DPP6: variants seen among roughly 807,000 people sequenced by gnomAD.
DPP6 encodes the protein dipeptidyl peptidase like 6.
DPP6 carries 69 observed loss-of-function variants against 122.6 expected under a neutral mutation model. That is an observed-to-expected ratio of 0.56 (90% CI 0.46 to 0.69). DPP6 has a LOEUF of 0.69. DPP6 is among the 30% of genes least tolerant of loss of function. The probability of loss-of-function intolerance (pLI) is 0.00; values close to 1 mark genes in which losing one functional copy is unlikely to be tolerated. For synonymous variants in DPP6, 418 were observed against 433.1 expected, an observed-to-expected ratio of 0.97 and a Z score of 0.43; for missense variants, 928 against 1,116.9, an observed-to-expected ratio of 0.83 and a Z score of 2.41.
At chr7:154,577,934 A>G (rs1425500953) in intron 5 of DPP6, among the ~76,000 whole-genome samples, 1 of 152,210 alleles carries the variant, frequency 6.6e-6, no homozygotes, top group Non-Finnish European at 1.5e-5. Flanking sequence ...TGATGGTTAC[A>G]GCATTTTTAA....
intron 17 of DPP6, among the ~76,000 whole-genome samples, chr7:154,861,550 A>ATATT (rs1308669236): frequency 6.6e-6 from 1 of 152,170 alleles, no homozygotes; most frequent in African/African-American, 2.4e-5. Flanking sequence ...AATCTTGGAA[A>ATATT]TATTTTAAAG....
At chr7:154,234,284 A>G (rs188196454) in intron 1 of DPP6, among the ~76,000 whole-genome samples, 1 of 152,192 alleles carries the variant, frequency 6.6e-6, no homozygotes, top group Non-Finnish European at 1.5e-5. Context: ...GAAACAGCCT[A>G]TGAGTAGTAT....
At chr7:153,965,662 A>G (rs563498498) in intron 1 of DPP6, among the ~76,000 whole-genome samples, 64 of 151,912 alleles carry the variant, frequency 4.2e-4, no homozygotes, top group Admixed American at 1.0e-3. Context: ...ACAGGCGCCC[A>G]CCACCACGCC....
At chr7:153,932,675 G>T (rs1801228039) in intron 1 of DPP6, among the ~76,000 whole-genome samples, 1 of 152,056 alleles carries the variant, frequency 6.6e-6, no homozygotes, top group African/African-American at 2.4e-5. Context: ...CCAGACCTGG[G>T]GAAGAAGATA....
chr7:154,383,257 C>A (rs918747161), intron 1 of DPP6, among the ~76,000 whole-genome samples: 1 of 152,112 alleles, frequency 6.6e-6, no homozygotes, highest in African/African-American at 2.4e-5. Flanking sequence ...ACTTGGAATT[C>A]CTATAGTATT....
intron 1 of DPP6, among the ~76,000 whole-genome samples, chr7:153,899,820 A>G (rs1232349806): frequency 6.6e-6 from 1 of 152,226 alleles, no homozygotes; most frequent in African/African-American, 2.4e-5. Flanking sequence ...GTGTACTCAC[A>G]TGCGTATTAA....
chr7:154,030,245 CT>C (rs747866980), intron 1 of DPP6, among the ~76,000 whole-genome samples: 2 of 152,172 alleles, frequency 1.3e-5, no homozygotes, highest in African/African-American at 2.4e-5. Flanking sequence ...TTCTCTGCCC[CT>C]GACCTATGTT....
chr7:154,106,758 A>G (rs1422180409), intron 1 of DPP6, among the ~76,000 whole-genome samples: 1 of 152,016 alleles, frequency 6.6e-6, no homozygotes, highest in African/African-American at 2.4e-5. Flanking sequence ...CCCTGGAGAG[A>G]AAAGAGGCTG....
chr7:154,795,820 G>A (rs1302155546), intron 11 of DPP6, 25 bp from the exon 12 acceptor site: 9 of 1,597,314 alleles, frequency 5.6e-6, no homozygotes, highest in Non-Finnish European at 6.8e-6. Flanking sequence ...AAACCCTCTT[G>A]TCTAATGCTC....
intron 1 of DPP6, among the ~76,000 whole-genome samples, chr7:154,307,469 TA>T (rs1293104651): frequency 6.6e-6 from 1 of 151,960 alleles, no homozygotes; most frequent in Non-Finnish European, 1.5e-5. Context: ...ACCTCAACCC[TA>T]AAAAATGAAC....
chr7:154,357,348 G>C (rs1259281568), intron 1 of DPP6, among the ~76,000 whole-genome samples: 1 of 148,826 alleles, frequency 6.7e-6, no homozygotes, highest in Non-Finnish European at 1.5e-5. Flanking sequence ...TTAAATTACA[G>C]CACTTTGCTG....
In DPP6 at chr7:154,438,469, C is replaced by CAAAAAAAAAAAA. The variant is rs58978160; in HGVS notation, c.244-7728_244-7717dup. Reference sequence around the variant, plus strand: ...TGGGTGACAGAGTGAGACTCCAACTCAAAAAAAAAAAAAAAAAAAAAAAAA... The same window carrying CAAAAAAAAAAAA: ...TGGGTGACAGAGTGAGACTCCAACTCAAAAAAAAAAAAAAAAAAAAAAAAAAAAAAAAAAAAA... On this transcript the variant is annotated intron_variant, in intron 1 of 25. Transcript: ENST00000377770. Among the ~76,000 whole-genome samples the CAAAAAAAAAAAA allele has an allele frequency of 6.8e-3, 256 of 37,538 alleles. 1 individual carries two copies. Among genetic ancestry groups the CAAAAAAAAAAAA allele is most frequent in the African/African-American group, 0.011 (125 of 11,462 alleles). The allele number at this position is 37,538 out of a possible 152,430, so 24.6% of individuals were successfully genotyped here. A position where few individuals can be genotyped will look rare whatever the true frequency, so the allele number is the denominator to read the frequency against.
Position 154,877,538 on chromosome 7 carries a change from C to T in DPP6, c.2078+1438C>T, listed in dbSNP as rs1045241216. Among the ~76,000 whole-genome samples the T allele has an allele frequency of 4.6e-5, 7 of 152,164 alleles. No individual in the cohort carries two copies. The highest frequency in any genetic ancestry group is 1.0e-4 in the Non-Finnish European group (7 of 68,026). ...TGTCACCAACGACCCAGGCTCTCTC[C>T]GTCTCTCCGCCCAGCCAGCCATGAT... On this transcript the variant is annotated intron_variant, in intron 20 of 25. Coordinates refer to ENST00000377770, the MANE Select transcript of DPP6 (RefSeq NM_130797.4). This position sits in a 1 kb window ranked among gnomAD's most constrained non-coding sequence, Gnocchi z 5.2.
At chr7:154,073,388 G>C (rs147594999) in intron 1 of DPP6, among the ~76,000 whole-genome samples, 2 of 152,204 alleles carry the variant, frequency 1.3e-5, no homozygotes, top group Non-Finnish European at 2.9e-5. Flanking sequence ...CCAAGCCTGC[G>C]CTTCCTCCTG....
intron 1 of DPP6, among the ~76,000 whole-genome samples, chr7:153,998,898 T>G (rs1408643482): frequency 6.6e-6 from 1 of 152,262 alleles, no homozygotes; most frequent in Non-Finnish European, 1.5e-5. Context: ...AGAGAGTCAA[T>G]TATGCCTTTG....
At chr7:154,738,005 T>C (rs73498032) in intron 8 of DPP6, among the ~76,000 whole-genome samples, 4,805 of 152,286 alleles carry the variant, frequency 0.032, 248 homozygotes, top group African/African-American at 0.11. Flanking sequence ...CATATTACAG[T>C]GGAACCATAA....
intron 7 of DPP6, among the ~76,000 whole-genome samples, chr7:154,685,016 A>G (rs1180440608): frequency 1.3e-5 from 2 of 152,248 alleles, no homozygotes; most frequent in African/African-American, 4.8e-5. Context: ...TAATCAGTCA[A>G]TGGAAAAGCA....
At chr7:153,753,986 G>T in the DPP6 span, among the ~76,000 whole-genome samples, 1 of 152,204 alleles carries the variant, frequency 6.6e-6, no homozygotes, top group Non-Finnish European at 1.5e-5. Flanking sequence ...CTGATGAAGT[G>T]TTTGCATTTT....
intron 1 of DPP6, among the ~76,000 whole-genome samples, chr7:153,914,661 A>G (rs1800230059): frequency 6.6e-6 from 1 of 152,138 alleles, no homozygotes; most frequent in South Asian, 2.1e-4. Flanking sequence ...ATCTCATCTC[A>G]TGAGTTTATT....
Sources: allele counts gnomAD v4.1 joint callset (sites outside exome capture counted in the v4.1 genomes callset), GRCh38; gene constraint gnomAD v4.1.1; non-coding constraint Gnocchi (gnomAD v3.1); transcripts MANE v1.5; gene names NCBI Gene and HGNC (gene_info 2026-07-23, HGNC 2026-07-21).